STAT4: variants seen among roughly 807,000 people sequenced by gnomAD.
STAT4 encodes signal transducer and activator of transcription 4.
STAT4 carries 42 observed loss-of-function variants against 110.5 expected under a neutral mutation model. That is an observed-to-expected ratio of 0.38 (90% CI 0.30 to 0.49). The LOEUF is 0.49. Among genes scored for constraint, STAT4 ranks in the 20% least tolerant of loss-of-function variants. The pLI, the probability that STAT4 is intolerant of heterozygous loss-of-function variation, is 0.95. For synonymous variants in STAT4, 284 were observed against 302.2 expected (o/e 0.94, Z 0.63); for missense variants, 632 against 887.9 (o/e 0.71, Z 3.66).
rs1201884402 is a variant in STAT4 at position 191,091,507 on chromosome 2, G to A, written c.274-15182C>T. On this transcript the variant is annotated intron_variant, in intron 3 of 23. Coordinates refer to ENST00000392320, the MANE Select transcript of STAT4 (RefSeq NM_003151.4). This position sits in a 1 kb window ranked among gnomAD's most constrained non-coding sequence, Gnocchi z 5.4. The stretch of plus-strand genomic sequence containing the variant: ...AAAAATATTAATTGTCTCAAAATGA[G>A]TATGTGTGTTTAATGCAATTAAAGT... 1.3e-5 allele frequency among the ~76,000 whole-genome samples: 2 copies of A among 152,184 alleles called. No individual in the cohort carries two copies. The highest frequency in any genetic ancestry group is 4.8e-5 in the African/African-American group (2 of 41,444).
In STAT4 at chr2:191,069,758, T is replaced by A; in HGVS notation, c.479A>T (p.Asp160Val). ...IKNSVQMTEQDTKYLEDLQDE... is the reference protein window; with the variant it reads ...IKNSVQMTEQVTKYLEDLQDE... ...TTGCAGATCTTCTAAGTATTTGGTATCTTGTTCTGTCATCTTTTCACAAAA... is the reference window on the plus strand; with the variant it reads ...TTGCAGATCTTCTAAGTATTTGGTAACTTGTTCTGTCATCTTTTCACAAAA... The change falls in exon 6 of 24, where the codon GAT becomes GTT. Residue 160 changes from aspartate to valine, a missense_variant. By Grantham distance (152) the Asp-to-Val change is radical (BLOSUM62 -3). Around this residue, in one of 4 missense-constraint regions of STAT4, gnomAD observed 488 missense variants for 632.8 expected, o/e 0.77. Coordinates refer to ENST00000392320, the MANE Select transcript of STAT4 (RefSeq NM_003151.4). The A allele has an allele frequency of 6.2e-7, 1 of 1,608,918 alleles. No individual in the cohort carries two copies. The highest frequency in any genetic ancestry group is 8.5e-7 in the Non-Finnish European group (1 of 1,178,050).
At chr2:191,095,681 C>A (rs898611138) in intron 3 of STAT4, among the ~76,000 whole-genome samples, 2 of 152,198 alleles carry the variant, frequency 1.3e-5, no homozygotes, top group Admixed American at 6.5e-5. Context: ...AAAATCGATA[C>A]CCTAACATCA....
chr2:191,040,248 G>T (rs773012481), intron 15 of STAT4, among the ~76,000 whole-genome samples: 1 of 152,048 alleles, frequency 6.6e-6, no homozygotes, highest in Non-Finnish European at 1.5e-5. Flanking sequence ...GAGTTTAGTG[G>T]TGATTGTTTT....
chr2:191,048,652 G>T (rs1329184964), intron 14 of STAT4, among the ~76,000 whole-genome samples: 2 of 151,614 alleles, frequency 1.3e-5, no homozygotes, highest in East Asian at 3.9e-4. Flanking sequence ...TGGGCATGGT[G>T]GCGGGCGCTT....
At chr2:191,085,096 T>G (rs928143899) in intron 3 of STAT4, among the ~76,000 whole-genome samples, 5 of 151,522 alleles carry the variant, frequency 3.3e-5, no homozygotes, top group African/African-American at 1.2e-4. Flanking sequence ...GTTGGCCTCA[T>G]GCTATCTTTA....
chr2:191,137,859 C>T (rs1425954824), intron 3 of STAT4, among the ~76,000 whole-genome samples: 1 of 152,060 alleles, frequency 6.6e-6, no homozygotes, highest in Admixed American at 6.6e-5. Flanking sequence ...AAAATCAACT[C>T]AAGATGGATT....
intron 3 of STAT4, among the ~76,000 whole-genome samples, chr2:191,103,187 T>A (rs1698189122): frequency 6.6e-6 from 1 of 152,190 alleles, no homozygotes; most frequent in African/African-American, 2.4e-5. Flanking sequence ...GTTCTTCTAA[T>A]TTTTAAGCTA....
At chr2:191,036,136 C>A in intron 17 of STAT4, 28 bp downstream of exon 17, 1 of 1,606,670 alleles carries the variant, frequency 6.2e-7, no homozygotes, top group Non-Finnish European at 8.5e-7. Context: ...AAAACAGAGG[C>A]AAATCCTCTC....
chr2:191,045,378 G>GTGGAATT (rs1381143611), intron 14 of STAT4, among the ~76,000 whole-genome samples: 2 of 152,192 alleles, frequency 1.3e-5, no homozygotes, highest in Non-Finnish European at 2.9e-5. Context: ...AGAATCCTGG[G>GTGGAATT]TGGAATTTGG....
intron 3 of STAT4, among the ~76,000 whole-genome samples, chr2:191,087,086 A>G (rs1288367696): frequency 6.6e-6 from 1 of 152,194 alleles, no homozygotes; most frequent in Non-Finnish European, 1.5e-5. Flanking sequence ...TCTACCTAAT[A>G]TAGAAGCCTA....
In STAT4 at chr2:191,117,029, C is replaced by A. The variant is rs1698590102; in HGVS notation, c.273+29584G>T. On this transcript the variant is annotated intron_variant, in intron 3 of 23. Transcript: ENST00000392320. The surrounding 1 kb of genome is among the most constrained non-coding windows in gnomAD (Gnocchi z 5.2). Reference sequence around the variant, plus strand: ...GAGTCTCAATCTTGGCTACATCTTACAATCACCTGGGGAGCTTTACAAAAT... The same window carrying A: ...GAGTCTCAATCTTGGCTACATCTTAAAATCACCTGGGGAGCTTTACAAAAT... Among the ~76,000 whole-genome samples, 1 of 152,186 alleles carries A rather than the reference C, an allele frequency of 6.6e-6. No homozygotes were observed. The highest frequency in any genetic ancestry group is 2.4e-5 in the African/African-American group (1 of 41,444).
rs973868906 is a variant in STAT4, at chr2:191,062,707, G to A, written c.941+55C>T. 6.0e-5 allele frequency: 96 copies of A among 1,597,734 alleles called. No homozygotes were observed. In the African/African-American group the frequency reaches 1.2e-3, roughly 20 times the overall value. ...TTCCACCTAAACACCAAAACCTTAGGAAGGGTGTTCTTACTTCACAGAATG... is the reference window on the plus strand; with the variant it reads ...TTCCACCTAAACACCAAAACCTTAGAAAGGGTGTTCTTACTTCACAGAATG... On this transcript the variant is annotated intron_variant, in intron 9 of 23. Coordinates refer to ENST00000392320, the MANE Select transcript of STAT4 (RefSeq NM_003151.4). This position sits in a 1 kb window ranked among gnomAD's most constrained non-coding sequence, Gnocchi z 4.9.
At chr2:191,045,385 T>A (rs551060853) in intron 14 of STAT4, among the ~76,000 whole-genome samples, 27 of 152,264 alleles carry the variant, frequency 1.8e-4, no homozygotes, top group African/African-American at 6.3e-4. Context: ...TGGGTGGAAT[T>A]TGGGAGGAAT....
In STAT4 at chr2:191,112,334, A is replaced by G. The variant is rs1214191227; in HGVS notation, c.273+34279T>C. The stretch of plus-strand genomic sequence containing the variant: ...CCTTGGGCAACAGCGTGACCTTTCC[A>G]AGCCTCAGTTCCCTCATCTGTAAAA... On this transcript the variant is annotated intron_variant, in intron 3 of 23. Coordinates refer to ENST00000392320, the MANE Select transcript of STAT4 (RefSeq NM_003151.4). This position sits in a 1 kb window ranked among gnomAD's most constrained non-coding sequence, Gnocchi z 4.3. Among the ~76,000 whole-genome samples the G allele has an allele frequency of 6.6e-6, 1 of 152,166 alleles. No homozygotes were observed. The highest frequency in any genetic ancestry group is 1.5e-5 in the Non-Finnish European group (1 of 68,024).
At position 191,150,780 on chromosome 2, in the gene STAT4, C is replaced by G. The variant is rs1699575240; in HGVS notation, c.-2+167G>C. Among the ~76,000 whole-genome samples the G allele has an allele frequency of 1.3e-5, 2 of 152,230 alleles. No homozygotes were observed. The highest frequency in any genetic ancestry group is 1.3e-4 in the Admixed American group (2 of 15,290). ...GCGGAGAACCCGTGCCAGGGCGCAT[C>G]TGTGGGTCGTGGAGTCGGGCGCTTC... On this transcript the variant is annotated intron_variant, in intron 1 of 23. Coordinates refer to ENST00000392320, the MANE Select transcript of STAT4 (RefSeq NM_003151.4). The surrounding 1 kb of genome is among the most constrained non-coding windows in gnomAD (Gnocchi z 6.4).
At chr2:191,111,610 C>T (rs991142301) in intron 3 of STAT4, among the ~76,000 whole-genome samples, 8 of 152,090 alleles carry the variant, frequency 5.3e-5, no homozygotes, top group African/African-American at 1.7e-4. Flanking sequence ...CCCAACACTT[C>T]GGGAGGCTGA....
rs1696125148 is a variant in STAT4 at position 191,039,314 on chromosome 2, A to T, written c.1336-17T>A. 6.2e-7 allele frequency: 1 copy of T among 1,610,814 alleles called. No individual in the cohort carries two copies. Among genetic ancestry groups the T allele is most frequent in the Admixed American group, 1.7e-5 (1 of 59,976 alleles). On this transcript the variant is annotated splice_polypyrimidine_tract_variant and intron_variant, in intron 15 of 23. Coordinates refer to ENST00000392320, the MANE Select transcript of STAT4 (RefSeq NM_003151.4). This position sits in a 1 kb window ranked among gnomAD's most constrained non-coding sequence, Gnocchi z 4.7. Reference sequence around the variant, plus strand: ...TGAGCTGGTCTGGTTTGGGGGGAAAAAAGCATAGTTATTACAGGTAGTCCC... The same window carrying T: ...TGAGCTGGTCTGGTTTGGGGGGAAATAAGCATAGTTATTACAGGTAGTCCC...
At position 191,107,690 on chromosome 2, in the gene STAT4, G is replaced by A. The variant is rs1698318017; in HGVS notation, c.274-31365C>T. 1.3e-5 allele frequency among the ~76,000 whole-genome samples: 2 copies of A among 152,142 alleles called. No individual in the cohort carries two copies. Among genetic ancestry groups the A allele is most frequent in the Non-Finnish European group, 2.9e-5 (2 of 68,024 alleles). The stretch of plus-strand genomic sequence containing the variant: ...TTTTGTTTGCAGGGTTAGCAAATAT[G>A]GCATCAGTTTACAGGCCAAGTGAAA... On this transcript the variant is annotated intron_variant, in intron 3 of 23. Coordinates refer to ENST00000392320, the MANE Select transcript of STAT4 (RefSeq NM_003151.4). The surrounding 1 kb of genome is among the most constrained non-coding windows in gnomAD (Gnocchi z 4.2).
rs990453839 is a variant in STAT4 at position 191,140,294 on chromosome 2, C to A, written c.273+6319G>T. ...TCTGCACAGCAAAAGAAATAATCAG[C>A]CAAGTAAACAGACAACCCACAGCGT... is the stretch of plus-strand genomic sequence containing the variant. On this transcript the variant is annotated intron_variant, in intron 3 of 23. Transcript: ENST00000392320. The surrounding 1 kb of genome is among the most constrained non-coding windows in gnomAD (Gnocchi z 4.4). Among the ~76,000 whole-genome samples the A allele has an allele frequency of 6.6e-6, 1 of 152,180 alleles. No homozygotes were observed. Among genetic ancestry groups the A allele is most frequent in the Non-Finnish European group, 1.5e-5 (1 of 68,032 alleles).
Sources: allele counts gnomAD v4.1 joint callset (sites outside exome capture counted in the v4.1 genomes callset), GRCh38; gene constraint gnomAD v4.1.1; regional missense constraint gnomAD v4.1.1; non-coding constraint Gnocchi (gnomAD v3.1); transcripts MANE v1.5; gene names NCBI Gene and HGNC (gene_info 2026-07-23, HGNC 2026-07-21).